Variants in RYR1 observed in about 807,000 individuals in gnomAD.
RYR1 encodes central core disease of muscle.
In RYR1, 342 loss-of-function variants were observed where a neutral mutation model predicts 583.5. The observed-to-expected ratio is 0.59, with a 90% CI of 0.54 to 0.64. The LOEUF (loss-of-function observed/expected upper bound fraction) is 0.64, where lower values mean the gene tolerates loss of function less well. Among genes scored for constraint, RYR1 ranks in the 30% least tolerant of loss-of-function variants. RYR1 has a pLI of 0.00. For synonymous variants in RYR1, 2,791 were observed against 2,822.5 expected (o/e 0.99, Z 0.35); for missense variants, 6,032 against 6,917.2 (o/e 0.87, Z 4.54).
At position 38,514,638 on chromosome 19, in the gene RYR1, G is replaced by A. The variant is rs1269110717; in HGVS notation, c.9473-388G>A. On this transcript the variant is annotated intron_variant, in intron 63 of 105. Transcript: ENST00000359596. ...GATAGCCTAAAATTGCAGCAATATT[G>A]CAGTTCTGTTTGCATTTTTCTGGAG... is the stretch of plus-strand genomic sequence containing the variant. Among the ~76,000 whole-genome samples the A allele has an allele frequency of 2.9e-4, 44 of 151,980 alleles. 1 individual carries two copies. The highest frequency in any genetic ancestry group is 2.9e-3 in the Admixed American group (44 of 15,260).
At chr19:38,520,194 C>T (rs1971163550) in intron 67 of RYR1, among the ~76,000 whole-genome samples, 1 of 150,938 alleles carries the variant, frequency 6.6e-6, no homozygotes, top group Admixed American at 6.6e-5. Flanking sequence ...CTGCTTCTGC[C>T]CCTGAGTAGC....
At chr19:38,463,147 C>CT (rs953499870) in intron 20 of RYR1, among the ~76,000 whole-genome samples, 1 of 63,324 alleles carries the variant, frequency 1.6e-5, no homozygotes, top group Non-Finnish European at 4.2e-5. Flanking sequence ...ATCTGCCCCC[C>CT]CCCCCCCCAC....
At chr19:38,458,481 C>T (rs373216917) in intron 18 of RYR1, among the ~76,000 whole-genome samples, 189 bp downstream of exon 18, 10 of 152,160 alleles carry the variant, frequency 6.6e-5, no homozygotes, top group African/African-American at 2.4e-4. Context: ...CTTGTATCCT[C>T]GTTACCTACA....
At chr19:38,480,811 C>G (rs1357998725) in intron 31 of RYR1, among the ~76,000 whole-genome samples, 1 of 151,964 alleles carries the variant, frequency 6.6e-6, no homozygotes, top group Non-Finnish European at 1.5e-5. Flanking sequence ...GTGGCATGGT[C>G]TTGGCTCACT....
At chr19:38,546,367 T>A in intron 87 of RYR1, 78 bp from the exon 88 acceptor site, 2 of 1,244,426 alleles carry the variant, frequency 1.6e-6, no homozygotes, top group South Asian at 2.4e-5. Flanking sequence ...CCCTGCTGGG[T>A]AGGTGAGGAG....
intron 24 of RYR1, among the ~76,000 whole-genome samples, chr19:38,467,325 G>A (rs560830542): frequency 1.7e-4 from 26 of 152,128 alleles, no homozygotes; most frequent in East Asian, 7.7e-4. Context: ...CCATAACTCT[G>A]ACCAGTTCAC....
At chr19:38,566,820 A>G in intron 91 of RYR1, 91 bp from the exon 92 acceptor site, 2 of 1,550,194 alleles carry the variant, frequency 1.3e-6, no homozygotes, top group African/African-American at 1.4e-5. Context: ...ACCCAGGGGA[A>G]ATAAGAGAGA....
chr19:38,575,843 C>T (rs557999583), intron 96 of RYR1, 76 bp from the exon 97 acceptor site: 1 of 1,495,366 alleles, frequency 6.7e-7, no homozygotes, highest in East Asian at 2.3e-5. Flanking sequence ...TTTCAGCCAA[C>T]CCTGTCGTGG....
In RYR1 at chr19:38,512,785, G is replaced by A. The variant is rs1970789836; in HGVS notation, c.9472+302G>A. Among the ~76,000 whole-genome samples the A allele has an allele frequency of 6.6e-6, 1 of 151,398 alleles. No homozygotes were observed. The highest frequency in any genetic ancestry group is 1.5e-5 in the Non-Finnish European group (1 of 67,878). Reference sequence around the variant, plus strand: ...TCAAGACCAGCTTGGGCAACATAGCGAGACCCTGTCTCTACTAAAAAAAAA... The same window carrying A: ...TCAAGACCAGCTTGGGCAACATAGCAAGACCCTGTCTCTACTAAAAAAAAA... On this transcript the variant is annotated intron_variant, in intron 63 of 105. Transcript: ENST00000359596. The surrounding 1 kb of genome is among the most constrained non-coding windows in gnomAD (Gnocchi z 5.1).
chr19:38,585,216 T>G (rs1314699255), intron 102 of RYR1, 117 bp downstream of exon 102: 19 of 1,293,780 alleles, frequency 1.5e-5, no homozygotes, highest in Admixed American at 4.0e-5. Flanking sequence ...CTCGCTACTG[T>G]GAGACCTTGG....
At chr19:38,446,867 C>T in intron 9 of RYR1, 99 bp downstream of exon 9, 1 of 946,168 alleles carries the variant, frequency 1.1e-6, no homozygotes, top group South Asian at 1.5e-5. Flanking sequence ...GATAAAGAGA[C>T]TGAAGGGTCT....
In RYR1 at chr19:38,506,535, T is replaced by C; in HGVS notation, c.8681T>C (p.Leu2894Pro). 6.2e-7 allele frequency: 1 copy of C among 1,613,986 alleles called. No homozygotes were observed. The highest frequency in any genetic ancestry group is 1.1e-5 in the South Asian group (1 of 91,072). The change falls in exon 56 of 106, where the codon CTG (leucine) becomes CCG (proline). Residue 2894 changes from leucine to proline, a missense_variant. Transcript: ENST00000359596. Reference sequence around the variant, plus strand: ...TGGGGACGGAAGAAGAAGCAGGAGCTGGAAGCCAAAGGTGAGGGCGCCCAT... The same window carrying C: ...TGGGGACGGAAGAAGAAGCAGGAGCCGGAAGCCAAAGGTGAGGGCGCCCAT... The part of the protein sequence containing the change: ...NTWGRKKKQE[L>P]EAKGGGTHPL...
chr19:38,527,713 G>A lies in RYR1; in HGVS notation c.10753G>A (p.Asp3585Asn). 6.2e-7 allele frequency: 1 copy of A among 1,614,146 alleles called. No homozygotes were observed. The highest frequency in any genetic ancestry group is 8.5e-7 in the Non-Finnish European group (1 of 1,180,026). ...LYRGVPGREEDADDPEKIVRR... is the reference protein window; with the variant it reads ...LYRGVPGREENADDPEKIVRR... The stretch of plus-strand genomic sequence containing the variant: ...CCGGGGCGTCCCGGGTCGCGAGGAG[G>A]ACGCCGATGACCCCGAGAAAATCGT... Residue 3585 changes from aspartate to asparagine, a missense_variant, in exon 73 of 106, where the codon GAC becomes AAC. Physicochemically the swap from Asp to Asn is conservative, Grantham distance 23. Coordinates refer to ENST00000359596, the MANE Select transcript of RYR1 (RefSeq NM_000540.3).
At chr19:38,535,103 A>T in intron 79 of RYR1, 38 bp from the exon 80 acceptor site, 1 of 1,603,482 alleles carries the variant, frequency 6.2e-7, no homozygotes. Flanking sequence ...ACTGCCTTCC[A>T]ACTGGGTGGA....
chr19:38,552,067 C>T (rs941644269), intron 89 of RYR1, among the ~76,000 whole-genome samples: 2 of 152,132 alleles, frequency 1.3e-5, no homozygotes, highest in Non-Finnish European at 2.9e-5. Context: ...CCTACCTTAG[C>T]CTCCCAAGTA....
rs372055058 is a variant in RYR1 at position 38,506,845 on chromosome 19, C to T, written c.8709C>T (p.Pro2903=). Reference sequence around the variant, plus strand: ...CCTCCCCAGGCGGTGGGACCCACCCCCTGCTGGTCCCCTACGACACGCTCA... The same window carrying T: ...CCTCCCCAGGCGGTGGGACCCACCCTCTGCTGGTCCCCTACGACACGCTCA... The part of the protein sequence containing the change: ...ELEAKGGGTH[P]LLVPYDTLTA... Residue 2903 remains proline, a synonymous_variant, in exon 57 of 106, where the codon CCC becomes CCT. Transcript: ENST00000359596. The T allele has an allele frequency of 1.2e-6, 2 of 1,613,948 alleles. No homozygotes were observed. Among genetic ancestry groups the T allele is most frequent in the African/African-American group, 1.3e-5 (1 of 74,912 alleles).
At chr19:38,586,957 C>A (rs1478386835) in intron 105 of RYR1, among the ~76,000 whole-genome samples, 2 of 150,356 alleles carry the variant, frequency 1.3e-5, no homozygotes, top group African/African-American at 5.0e-5. Flanking sequence ...GGTGACAGAG[C>A]GATACTCCAT....
At chr19:38,533,009 G>A (rs1249607670) in intron 78 of RYR1, among the ~76,000 whole-genome samples, 1 of 151,360 alleles carries the variant, frequency 6.6e-6, no homozygotes, top group African/African-American at 2.4e-5. Flanking sequence ...AGGCAGAGGG[G>A]TCAGGGTTGG....
rs758509249 is a variant in RYR1 at position 38,499,712 on chromosome 19, C to A, written c.7105C>A (p.Arg2369=). 6.2e-7 allele frequency: 1 copy of A among 1,601,352 alleles called. No homozygotes were observed. Among genetic ancestry groups the A allele is most frequent in the Non-Finnish European group, 8.5e-7 (1 of 1,179,550 alleles). The change falls in exon 44 of 106, where the codon CGG becomes AGG. Residue 2369 remains arginine (R), a synonymous_variant. Transcript: ENST00000359596. This position sits in a 1 kb window ranked among gnomAD's most constrained non-coding sequence, Gnocchi z 7.3. ...RKPECFGPAL[R]GEGGSGLLAA... The stretch of plus-strand genomic sequence containing the variant: ...GCCTGAGTGCTTCGGACCCGCCCTG[C>A]GGGGTGAGGGTGGCTCAGGGCTGCT...
Sources: gnomAD v4.1 joint callset for allele counts (sites outside exome capture counted in the v4.1 genomes callset) on GRCh38, gnomAD v4.1.1 for gene constraint, Gnocchi (gnomAD v3.1) non-coding constraint, MANE v1.5 for transcripts, NCBI Gene and HGNC (gene_info 2026-07-23, HGNC 2026-07-21) for gene names.